The following RSRC1 variants were observed in gnomAD, a reference collection of about 807,000 sequenced individuals.
The protein encoded by RSRC1 is arginine and serine rich coiled-coil 1.
In RSRC1, 39 loss-of-function variants were observed where a neutral mutation model predicts 49.1. The ratio of observed to expected loss-of-function variants is 0.79; its 90% CI spans 0.61 to 1.04. RSRC1 has a LOEUF of 1.04. Among genes scored for constraint, RSRC1 ranks in the 50% least tolerant of loss-of-function variants. RSRC1 has a pLI of 0.00. For synonymous variants in RSRC1, 143 were observed against 130.8 expected (o/e 1.09, Z -0.63); for missense variants, 388 against 402.4 (o/e 0.96, Z 0.31).
chr3:158,228,345 A>G (rs1722637078), intron 4 of RSRC1, among the ~76,000 whole-genome samples: 1 of 151,982 alleles, frequency 6.6e-6, no homozygotes, highest in African/African-American at 2.4e-5. Flanking sequence ...GCATTTTAAC[A>G]AAGAATAGGC....
intron 6 of RSRC1, among the ~76,000 whole-genome samples, chr3:158,430,228 C>T (rs1251952204): frequency 2.0e-5 from 3 of 151,686 alleles, no homozygotes; most frequent in Non-Finnish European, 2.9e-5. Flanking sequence ...AACTTTTTTG[C>T]ATCATTTATC....
rs771247978 is a variant in RSRC1 at position 158,364,509 on chromosome 3, A to G, written c.583+9601A>G. On this transcript the variant is annotated intron_variant, in intron 6 of 9. Coordinates refer to ENST00000611884, the MANE Select transcript of RSRC1 (RefSeq NM_001271838.2). ...ACTAACAAACTGTGAGCTTGAGCAGATCACTTTTTATTTACTGTCCTGTAG... is the reference window on the plus strand; with the variant it reads ...ACTAACAAACTGTGAGCTTGAGCAGGTCACTTTTTATTTACTGTCCTGTAG... Among the ~76,000 whole-genome samples the G allele has an allele frequency of 1.1e-4, 16 of 152,260 alleles. No individual in the cohort carries two copies. The South Asian group carries it at 1.2e-3, about 12-fold the overall frequency.
chr3:158,131,603 C>T (rs1716031004), intron 3 of RSRC1, among the ~76,000 whole-genome samples: 1 of 152,128 alleles, frequency 6.6e-6, no homozygotes, highest in Non-Finnish European at 1.5e-5. Context: ...TTTCCTGTTG[C>T]TGTTCACTCT....
chr3:158,471,916 G>A (rs533602624), intron 7 of RSRC1, among the ~76,000 whole-genome samples: 1 of 152,186 alleles, frequency 6.6e-6, no homozygotes, highest in East Asian at 1.9e-4. Context: ...AGTACACTAA[G>A]ACATTTTAGG....
At chr3:158,461,517 C>CT (rs1233617938) in intron 7 of RSRC1, among the ~76,000 whole-genome samples, 1 of 151,900 alleles carries the variant, frequency 6.6e-6, no homozygotes, top group African/African-American at 2.4e-5. Context: ...CTAAACAAAT[C>CT]TAACACATTT....
intron 5 of RSRC1, among the ~76,000 whole-genome samples, chr3:158,334,469 A>C (rs1729745782): frequency 7.2e-6 from 1 of 139,336 alleles, no homozygotes; most frequent in African/African-American, 2.7e-5. Flanking sequence ...AAAAGGTCTC[A>C]ATTTCTAACA....
chr3:158,234,370 A>T (rs1723125845), intron 4 of RSRC1, among the ~76,000 whole-genome samples: 1 of 152,200 alleles, frequency 6.6e-6, no homozygotes, highest in African/African-American at 2.4e-5. Flanking sequence ...AGCAATGATT[A>T]TGTAAATTTT....
At chr3:158,193,867 G>A (rs11717618) in intron 3 of RSRC1, among the ~76,000 whole-genome samples, 5 of 151,852 alleles carry the variant, frequency 3.3e-5, no homozygotes, top group Non-Finnish European at 5.9e-5. Context: ...TAGAAATTTC[G>A]TATGTGTAAA....
At chr3:158,476,908 C>T (rs1738390771) in intron 7 of RSRC1, among the ~76,000 whole-genome samples, 1 of 152,048 alleles carries the variant, frequency 6.6e-6, no homozygotes, top group Admixed American at 6.6e-5. Context: ...CCATTAAGAA[C>T]ATTTGTGATT....
At chr3:158,500,293 C>G (rs951154778) in intron 7 of RSRC1, among the ~76,000 whole-genome samples, 1 of 152,074 alleles carries the variant, frequency 6.6e-6, no homozygotes, top group Non-Finnish European at 1.5e-5. Context: ...ATTTTAGCAT[C>G]TATGTTCATC....
At chr3:158,273,685 G>T (rs918130780) in intron 4 of RSRC1, among the ~76,000 whole-genome samples, 1 of 152,070 alleles carries the variant, frequency 6.6e-6, no homozygotes, top group Non-Finnish European at 1.5e-5. Context: ...AATTGGATTG[G>T]TAAGCATCCC....
At chr3:158,112,694 A>G (rs571070711) in intron 1 of RSRC1, among the ~76,000 whole-genome samples, 126 of 152,240 alleles carry the variant, frequency 8.3e-4, no homozygotes, top group African/African-American at 2.9e-3. Context: ...CATGTGCAGG[A>G]TGTGGAGGTT....
chr3:158,417,998 A>AT (rs1475765682), intron 6 of RSRC1, among the ~76,000 whole-genome samples: 1 of 151,976 alleles, frequency 6.6e-6, no homozygotes, highest in African/African-American at 2.4e-5. Context: ...AAAGAGAACT[A>AT]TAAGTTTTGC....
At chr3:158,424,093 G>A (rs1735255801) in intron 6 of RSRC1, among the ~76,000 whole-genome samples, 1 of 151,992 alleles carries the variant, frequency 6.6e-6, no homozygotes, top group South Asian at 2.1e-4. Context: ...GCCCTGGCCA[G>A]AACTTCCAAC....
At chr3:158,308,381 C>T (rs1469391072) in intron 5 of RSRC1, among the ~76,000 whole-genome samples, 1 of 151,878 alleles carries the variant, frequency 6.6e-6, no homozygotes, top group African/African-American at 2.4e-5. Flanking sequence ...ATGCTTATTA[C>T]TCTAATGATT....
chr3:158,236,283 A>G (rs184392810), intron 4 of RSRC1, among the ~76,000 whole-genome samples: 49 of 152,244 alleles, frequency 3.2e-4, no homozygotes, highest in African/African-American at 1.1e-3. Flanking sequence ...TATATAATTT[A>G]GAGTTAAAAT....
intron 6 of RSRC1, among the ~76,000 whole-genome samples, chr3:158,426,883 T>C (rs1361643088): frequency 1.3e-5 from 2 of 151,828 alleles, no homozygotes; most frequent in African/African-American, 4.8e-5. Flanking sequence ...TGATGAACTC[T>C]TTGAAAATCT....
intron 6 of RSRC1, among the ~76,000 whole-genome samples, chr3:158,398,876 C>T (rs992425129): frequency 6.6e-6 from 1 of 151,988 alleles, no homozygotes; most frequent in South Asian, 2.1e-4. Context: ...GAGAAGGAGT[C>T]TGTGGTATAT....
chr3:158,179,559 T>C (rs900230010), intron 3 of RSRC1, among the ~76,000 whole-genome samples: 1 of 152,322 alleles, frequency 6.6e-6, no homozygotes, highest in Non-Finnish European at 1.5e-5. Flanking sequence ...TTATCTATGT[T>C]GTTGTGTATA....
Sources: allele counts gnomAD v4.1 joint callset (sites outside exome capture counted in the v4.1 genomes callset), GRCh38; gene constraint gnomAD v4.1.1; transcripts MANE v1.5; gene names NCBI Gene and HGNC (gene_info 2026-07-23, HGNC 2026-07-21).